Variants in PPARG observed in about 807,000 individuals in gnomAD.
The protein encoded by PPARG is peroxisome proliferator-activated receptor gamma.
Under a neutral mutation model 39.2 loss-of-function variants are expected in PPARG, and 17 were observed. The observed-to-expected ratio is 0.43, with a 90% confidence interval of 0.30 to 0.65. The LOEUF (loss-of-function observed/expected upper bound fraction) is 0.65. Among genes scored for constraint, PPARG ranks in the 30% least tolerant of loss-of-function variants. The pLI, the probability that PPARG is intolerant of heterozygous loss-of-function variation, is 0.13. For synonymous variants in PPARG, 223 were observed against 215.7 expected, an observed-to-expected ratio of 1.03 and a Z score of -0.30; for missense variants, 406 against 585.9, an observed-to-expected ratio of 0.69 and a Z score of 3.17.
intron 2 of PPARG, among the ~76,000 whole-genome samples, chr3:12,319,905 G>A (rs1006630247): frequency 1.4e-4 from 22 of 152,134 alleles, no homozygotes; most frequent in Admixed American, 3.3e-4. Context: ...AATTTACGGC[G>A]TATATTTATG....
intron 7 of PPARG, among the ~76,000 whole-genome samples, chr3:12,428,529 C>T (rs2051538550): frequency 6.6e-6 from 1 of 152,226 alleles, no homozygotes; most frequent in African/African-American, 2.4e-5. Context: ...GCAACAGTGC[C>T]TTTTCAGGCA....
chr3:12,355,911 G>C (rs2048645213), intron 2 of PPARG, among the ~76,000 whole-genome samples: 1 of 152,126 alleles, frequency 6.6e-6, no homozygotes, highest in Admixed American at 6.5e-5. Flanking sequence ...ATTTTTGTCA[G>C]CATTCTCACT....
chr3:12,396,865 T>G (rs917544836), intron 5 of PPARG, among the ~76,000 whole-genome samples: 3 of 152,266 alleles, frequency 2.0e-5, no homozygotes, highest in Admixed American at 2.0e-4. Flanking sequence ...TAAGTGCCCT[T>G]TTTATTTTTA....
chr3:12,427,903 G>GTTTT (rs2051510152), intron 7 of PPARG, among the ~76,000 whole-genome samples: 1 of 152,160 alleles, frequency 6.6e-6, no homozygotes, highest in Non-Finnish European at 1.5e-5. Flanking sequence ...AATCACATTT[G>GTTTT]TTTTGTTTGT....
At chr3:12,429,502 G>A (rs1421528206) in intron 7 of PPARG, among the ~76,000 whole-genome samples, 3 of 144,358 alleles carry the variant, frequency 2.1e-5, no homozygotes, top group African/African-American at 7.8e-5. Context: ...CAAATCTCTT[G>A]AGCCCAGCAT....
At chr3:12,310,778 G>GTTGCCTTA (rs2047211568) in intron 1 of PPARG, among the ~76,000 whole-genome samples, 1 of 105,128 alleles carries the variant, frequency 9.5e-6, no homozygotes, top group Non-Finnish European at 1.8e-5. Flanking sequence ...CTTTTTAATA[G>GTTGCCTTA]TTGCCTTAAA....
chr3:12,401,754 T>C (rs966083834), intron 5 of PPARG, among the ~76,000 whole-genome samples: 17 of 152,200 alleles, frequency 1.1e-4, no homozygotes, highest in African/African-American at 3.1e-4. Context: ...TGTATAAAAA[T>C]GTTAAAATCA....
intron 2 of PPARG, among the ~76,000 whole-genome samples, chr3:12,356,087 C>A (rs571683038): frequency 6.6e-6 from 1 of 152,276 alleles, no homozygotes; most frequent in South Asian, 2.1e-4. Flanking sequence ...TCCCTTTGGA[C>A]GCTTAAAATA....
At chr3:12,376,477 CCCT>C (rs1296202335) in intron 2 of PPARG, among the ~76,000 whole-genome samples, 1 of 151,864 alleles carries the variant, frequency 6.6e-6, no homozygotes, top group Non-Finnish European at 1.5e-5. Flanking sequence ...GGAGAGTGGC[CCCT>C]CCTCCATAAG....
At chr3:12,329,513 T>G (rs946307845) in intron 2 of PPARG, among the ~76,000 whole-genome samples, 18 of 152,222 alleles carry the variant, frequency 1.2e-4, no homozygotes, top group Non-Finnish European at 2.6e-4. Context: ...GAACAAATTT[T>G]CCTATGAAAA....
intron 2 of PPARG, among the ~76,000 whole-genome samples, chr3:12,358,380 C>G (rs566483229): frequency 6.6e-6 from 1 of 152,190 alleles, no homozygotes; most frequent in Admixed American, 6.5e-5. Flanking sequence ...GTGCCAAACA[C>G]GTCAGTTCTG....
intron 2 of PPARG, among the ~76,000 whole-genome samples, chr3:12,322,798 T>C (rs1190568936): frequency 1.3e-5 from 2 of 151,996 alleles, no homozygotes; most frequent in East Asian, 3.9e-4. Flanking sequence ...GTTTTTTTGT[T>C]TGTTTGTTTG....
intron 5 of PPARG, among the ~76,000 whole-genome samples, chr3:12,398,164 CAAA>C (rs543541979): frequency 7.3e-6 from 1 of 137,678 alleles, no homozygotes; most frequent in Non-Finnish European, 1.6e-5. Context: ...TACATATTAC[CAAA>C]AAAAAAAAAA....
At chr3:12,418,016 GAT>G (rs922264654) in intron 7 of PPARG, among the ~76,000 whole-genome samples, 6 of 141,748 alleles carry the variant, frequency 4.2e-5, no homozygotes, top group Admixed American at 7.5e-5. Flanking sequence ...AGTAAGCTAT[GAT>G]CATGCTACTT....
intron 2 of PPARG, among the ~76,000 whole-genome samples, chr3:12,378,498 G>A (rs1019001191): frequency 1.3e-5 from 2 of 152,034 alleles, no homozygotes; most frequent in Non-Finnish European, 2.9e-5. Context: ...AAAAAGAGAA[G>A]GAAATCCTGT....
chr3:12,433,566 A>G (rs1341180294), intron 7 of PPARG, among the ~76,000 whole-genome samples: 1 of 151,902 alleles, frequency 6.6e-6, no homozygotes, highest in African/African-American at 2.4e-5. Context: ...AAGAAAAGAA[A>G]AGGAGATTTC....
At position 12,298,155 on chromosome 3, in the gene PPARG, C is replaced by T. The variant is rs992880546; in HGVS notation, c.-83+9021C>T. ...TCTACTAAAAATACAAAAAATTAGC[C>T]GGGCGTAGTGGCGGGCGCCTGTAGT... On this transcript the variant is annotated intron_variant, in intron 1 of 7. Transcript: ENST00000651735. Among the ~76,000 whole-genome samples the T allele has an allele frequency of 7.7e-4, 115 of 149,458 alleles. 1 individual carries two copies. The highest frequency in any genetic ancestry group is 2.6e-3 in the African/African-American group (106 of 40,556).
upstream of PPARG, chr3:12,287,653 T>C (rs905169567): frequency 1.6e-5 from 2 of 125,650 alleles, no homozygotes; most frequent in Admixed American, 1.6e-4. Flanking sequence ...CCAGCGGTGG[T>C]GGCGAGGAGC....
At chr3:12,308,277 G>A (rs192613667) in intron 1 of PPARG, among the ~76,000 whole-genome samples, 1 of 141,458 alleles carries the variant, frequency 7.1e-6, no homozygotes, top group Non-Finnish European at 1.5e-5. Flanking sequence ...CTGGGTGGTT[G>A]AGGCTACAGT....
Sources: allele counts gnomAD v4.1 joint callset (sites outside exome capture counted in the v4.1 genomes callset), GRCh38; gene constraint gnomAD v4.1.1; transcripts MANE v1.5; gene names NCBI Gene and HGNC (gene_info 2026-07-23, HGNC 2026-07-21).